The following SNX29 variants were observed in gnomAD, a reference collection of about 807,000 sequenced individuals.
SNX29 encodes sorting nexin-29.
A neutral mutation model predicts 102.1 loss-of-function variants in SNX29; 78 were observed. The ratio of observed to expected loss-of-function variants is 0.76; its 90% CI spans 0.64 to 0.92. The LOEUF (loss-of-function observed/expected upper bound fraction) is 0.92. SNX29 is among the 40% of genes least tolerant of loss of function. The pLI is 0.00. For synonymous variants in SNX29, 580 were observed against 414.5 expected, an observed-to-expected ratio of 1.40 and a Z score of -4.85; for missense variants, 1,280 against 1,061.7, an observed-to-expected ratio of 1.21 and a Z score of -2.86.
At chr16:12,141,505 A>G (rs2054868295) in intron 13 of SNX29, among the ~76,000 whole-genome samples, 1 of 152,264 alleles carries the variant, frequency 6.6e-6, no homozygotes, top group South Asian at 2.1e-4. Flanking sequence ...CAGACAGAGC[A>G]GCGGCATGGA....
chr16:12,134,974 G>A lies in SNX29; in HGVS notation c.1595+5216G>A, dbSNP rs1466633764. 3.3e-5 allele frequency among the ~76,000 whole-genome samples: 5 copies of A among 152,296 alleles called. No individual in the cohort carries two copies. The East Asian group carries it at 9.7e-4, about 30-fold the overall frequency. ...AGAAAAGCTCATGGTGTAGTTCAAA[G>A]GCCCAAGAGCCAGAGAACCTGTGGT... On this transcript the variant is annotated intron_variant, in intron 13 of 20. Transcript: ENST00000566228.
intron 18 of SNX29, among the ~76,000 whole-genome samples, chr16:12,447,788 C>G (rs1457393659): frequency 6.6e-6 from 1 of 152,194 alleles, no homozygotes; most frequent in East Asian, 1.9e-4. Flanking sequence ...CTTCATGTGT[C>G]CCACAAAAGC....
At position 12,401,338 on chromosome 16, in the gene SNX29, C is replaced by A. The variant is rs1225083683; in HGVS notation, c.1956-2110C>A. On this transcript the variant is annotated intron_variant, in intron 17 of 20. Transcript: ENST00000566228. ...AAATTGAAATCATCCAAAGTATCTT[C>A]CTTGACCACAATAGAGTTAAATTTT... is the stretch of plus-strand genomic sequence containing the variant. Among the ~76,000 whole-genome samples, 3 of 151,094 alleles carry A rather than the reference C, an allele frequency of 2.0e-5. No homozygotes were observed. In the East Asian group the frequency reaches 5.8e-4, roughly 29 times the overall value.
At chr16:12,079,093 G>A (rs1281476894) in intron 11 of SNX29, among the ~76,000 whole-genome samples, 178 bp downstream of exon 11, 3 of 152,250 alleles carry the variant, frequency 2.0e-5, no homozygotes, top group African/African-American at 2.4e-5. Context: ...TGGTTAATGC[G>A]TGGCGCTTGG....
intron 20 of SNX29, among the ~76,000 whole-genome samples, chr16:12,539,692 C>G (rs914159467): frequency 6.6e-6 from 1 of 152,168 alleles, no homozygotes; most frequent in African/African-American, 2.4e-5. Flanking sequence ...CCCTGGGCAG[C>G]ATGTCATACT....
At chr16:12,121,603 T>C (rs1253814679) in intron 11 of SNX29, among the ~76,000 whole-genome samples, 2 of 152,182 alleles carry the variant, frequency 1.3e-5, no homozygotes, top group African/African-American at 2.4e-5. Flanking sequence ...TTTGCCAGAC[T>C]CGGCACTTTC....
intron 18 of SNX29, among the ~76,000 whole-genome samples, chr16:12,439,921 G>A (rs1162907624): frequency 6.6e-6 from 1 of 152,222 alleles, no homozygotes; most frequent in African/African-American, 2.4e-5. Flanking sequence ...CTGAGTATCT[G>A]GTGGGGTTCA....
At chr16:12,463,645 T>C (rs537244966) in intron 18 of SNX29, among the ~76,000 whole-genome samples, 1 of 152,334 alleles carries the variant, frequency 6.6e-6, no homozygotes, top group South Asian at 2.1e-4. Flanking sequence ...TGGGTGGGGA[T>C]ACAGAACCAA....
intron 19 of SNX29, chr16:12,515,642 C>A (rs34392330): frequency 2.1e-6 from 1 of 484,218 alleles, no homozygotes; most frequent in Non-Finnish European, 4.1e-6. Context: ...CCTAGCCACC[C>A]AAGCCAAGTC....
At chr16:12,523,556 GGCCCAGGCCAACGTGACAGTGTGGA>G (rs2090180359) in intron 19 of SNX29, among the ~76,000 whole-genome samples, 1 of 152,182 alleles carries the variant, frequency 6.6e-6, no homozygotes, top group Non-Finnish European at 1.5e-5. Flanking sequence ...GAATGTGTGG[GGCCCAGGCCAACGTGACAGTGTGGA>G]GCCCCTGGTT....
intron 14 of SNX29, among the ~76,000 whole-genome samples, chr16:12,265,990 A>G (rs2078917045): frequency 6.6e-6 from 1 of 152,160 alleles, no homozygotes; most frequent in African/African-American, 2.4e-5. Flanking sequence ...CATTATCCCC[A>G]TTTTACAAAT....
At chr16:12,005,691 G>C (rs894160805) in intron 3 of SNX29, among the ~76,000 whole-genome samples, 1 of 152,150 alleles carries the variant, frequency 6.6e-6, no homozygotes, top group Non-Finnish European at 1.5e-5. Context: ...CACGGGTGGA[G>C]TATCCCTCAT....
intron 13 of SNX29, among the ~76,000 whole-genome samples, chr16:12,197,454 C>T (rs1282935521): frequency 2.6e-5 from 4 of 152,018 alleles, no homozygotes; most frequent in Admixed American, 2.0e-4. Context: ...GCCTATAATC[C>T]CAGATACTTG....
chr16:12,257,673 T>A (rs1428582718), intron 14 of SNX29, among the ~76,000 whole-genome samples: 1 of 148,762 alleles, frequency 6.7e-6, no homozygotes, highest in African/African-American at 2.5e-5. Context: ...CGCACCACCA[T>A]GCCCGGCTTA....
chr16:11,983,632 C>T (rs1218606867), intron 1 of SNX29: 1 of 985,130 alleles, frequency 1.0e-6, no homozygotes, highest in Non-Finnish European at 1.2e-6. Flanking sequence ...AACAGTTGAC[C>T]CCCACCTCTG....
intron 18 of SNX29, among the ~76,000 whole-genome samples, chr16:12,474,267 C>T (rs963428108): frequency 6.6e-6 from 1 of 152,152 alleles, no homozygotes; most frequent in African/African-American, 2.4e-5. Flanking sequence ...GTGCGTAGTG[C>T]CTGGGATAGG....
intron 13 of SNX29, among the ~76,000 whole-genome samples, chr16:12,153,117 G>C (rs550478023): frequency 1.3e-5 from 2 of 152,306 alleles, no homozygotes; most frequent in African/African-American, 4.8e-5. Context: ...TTTAAAAAGA[G>C]CTGGGCACTG....
chr16:12,078,229 C>CT (rs199975717), intron 10 of SNX29, among the ~76,000 whole-genome samples: 2,238 of 151,940 alleles, frequency 0.015, 58 homozygotes, highest in African/African-American at 0.051. Context: ...AATCCCAGCA[C>CT]TTTGGGAGGC....
chr16:12,418,561 C>T (rs1338991878), intron 18 of SNX29, among the ~76,000 whole-genome samples: 3 of 151,560 alleles, frequency 2.0e-5, no homozygotes, highest in Non-Finnish European at 2.9e-5. Context: ...GTTGTCCAGG[C>T]TGGAGTGCGG....
Sources: allele counts gnomAD v4.1 joint callset (sites outside exome capture counted in the v4.1 genomes callset), GRCh38; gene constraint gnomAD v4.1.1; transcripts MANE v1.5; gene names NCBI Gene and HGNC (gene_info 2026-07-23, HGNC 2026-07-21).